Variants in NALCN observed in about 807,000 individuals in gnomAD.
NALCN encodes the protein sodium leak channel, non-selective, also known as sodium leak channel NALCN.
In NALCN, 111 loss-of-function variants were observed where a neutral mutation model predicts 225.3. The observed-to-expected ratio is 0.49, with a 90% CI of 0.42 to 0.58. The LOEUF (loss-of-function observed/expected upper bound fraction) is 0.58, where lower values mean the gene tolerates loss of function less well. NALCN is among the 20% of genes least tolerant of loss of function. The pLI, the probability that NALCN is intolerant of heterozygous loss-of-function variation, is 0.00. For synonymous variants in NALCN, 764 were observed against 769.0 expected, an observed-to-expected ratio of 0.99 and a Z score of 0.11; for missense variants, 1,378 against 2,202.4, an observed-to-expected ratio of 0.63 and a Z score of 7.49.
chr13:101,389,705 T>C (rs569144751), intron 3 of NALCN, among the ~76,000 whole-genome samples: 2 of 152,330 alleles, frequency 1.3e-5, no homozygotes, highest in African/African-American at 4.8e-5. Context: ...AAAACTCCCA[T>C]TTCATGTGAA....
At chr13:101,268,013 TG>T (rs1411271801) in intron 10 of NALCN, among the ~76,000 whole-genome samples, 1 of 152,220 alleles carries the variant, frequency 6.6e-6, no homozygotes, top group Non-Finnish European at 1.5e-5. Context: ...TGCATCACTT[TG>T]GATGTGTCAC....
intron 6 of NALCN, among the ~76,000 whole-genome samples, chr13:101,349,241 A>C (rs2045836152): frequency 6.6e-6 from 1 of 152,164 alleles, no homozygotes; most frequent in Non-Finnish European, 1.5e-5. Flanking sequence ...TGACTCCAAG[A>C]CAATGAAATT....
intron 17 of NALCN, among the ~76,000 whole-genome samples, chr13:101,135,144 G>A (rs1414568429): frequency 6.6e-6 from 1 of 152,328 alleles, no homozygotes; most frequent in Admixed American, 6.5e-5. Flanking sequence ...GCAGTGAGCC[G>A]AGATCGTGCC....
At position 101,055,115 on chromosome 13, in the gene NALCN, T is replaced by G; in HGVS notation, c.*180A>C. 1 of 595,148 alleles carries G rather than the reference T, an allele frequency of 1.7e-6. No individual in the cohort carries two copies. Among genetic ancestry groups the G allele is most frequent in the East Asian group, 2.8e-5 (1 of 35,228 alleles). The allele number at this position is 595,148 out of a possible 1,614,324, so 36.9% of individuals were successfully genotyped here. On this transcript the variant is annotated 3_prime_UTR_variant, in exon 44 of 44. Coordinates refer to ENST00000251127, the MANE Select transcript of NALCN (RefSeq NM_052867.4). ...AAAAATTTTTTTGAGCAATGATTGA[T>G]AGTAACCCATCATACATGCAGCTTA...
chr13:101,134,704 A>T (rs2036684859), intron 17 of NALCN, among the ~76,000 whole-genome samples: 1 of 152,162 alleles, frequency 6.6e-6, no homozygotes, highest in Admixed American at 6.6e-5. Flanking sequence ...TTTAAAACTT[A>T]ATGGATCTGA....
intron 15 of NALCN, among the ~76,000 whole-genome samples, chr13:101,154,984 C>T (rs114603186): frequency 6.6e-6 from 1 of 152,144 alleles, no homozygotes; most frequent in Non-Finnish European, 1.5e-5. Flanking sequence ...AAAGTATAAA[C>T]TTGATACAAC....
intron 7 of NALCN, among the ~76,000 whole-genome samples, chr13:101,339,498 C>G (rs1432821917): frequency 6.6e-6 from 1 of 152,096 alleles, no homozygotes; most frequent in Non-Finnish European, 1.5e-5. Flanking sequence ...AAGAAAGAGA[C>G]AGAAATAACT....
At chr13:101,172,582 C>T (rs571819605) in intron 15 of NALCN, among the ~76,000 whole-genome samples, 5 of 152,156 alleles carry the variant, frequency 3.3e-5, no homozygotes, top group South Asian at 4.2e-4. Flanking sequence ...TTATTTGAGA[C>T]GGAGTCTCGC....
In NALCN at chr13:101,297,724, A is replaced by G. The variant is rs544851937; in HGVS notation, c.800-5358T>C. Among the ~76,000 whole-genome samples the G allele has an allele frequency of 8.5e-5, 13 of 152,260 alleles. No homozygotes were observed. The East Asian group carries it at 2.5e-3, about 29-fold the overall frequency. On this transcript the variant is annotated intron_variant, in intron 7 of 43. Coordinates refer to ENST00000251127, the MANE Select transcript of NALCN (RefSeq NM_052867.4). Reference sequence around the variant, plus strand: ...TCCTGCTACAGGTGCTTGTTTTCTTATCTGGTCCTTTAACTCTTCCAATCT... The same window carrying G: ...TCCTGCTACAGGTGCTTGTTTTCTTGTCTGGTCCTTTAACTCTTCCAATCT...
intron 17 of NALCN, among the ~76,000 whole-genome samples, chr13:101,133,068 A>C (rs2036595017): frequency 6.6e-6 from 1 of 152,162 alleles, no homozygotes; most frequent in Non-Finnish European, 1.5e-5. Context: ...GATCCATCAA[A>C]ACTCTCAATC....
At position 101,345,288 on chromosome 13, in the gene NALCN, G is replaced by T; in HGVS notation, c.777C>A (p.Gly259=). The T allele has an allele frequency of 6.2e-7, 1 of 1,613,606 alleles. No homozygotes were observed. ...GACCTATCTCATTAAAGCCACTGTAGCCCAGCTCTTGCCTGCTAAGTCCCA... is the reference window on the plus strand; with the variant it reads ...GACCTATCTCATTAAAGCCACTGTATCCCAGCTCTTGCCTGCTAAGTCCCA... The part of the protein sequence containing the change: ...EDLGLSRQEL[G]YSGFNEIGTS... Residue 259 remains glycine, a synonymous_variant, in exon 7 of 44, where the codon GGC becomes GGA. Coordinates refer to ENST00000251127, the MANE Select transcript of NALCN (RefSeq NM_052867.4).
intron 7 of NALCN, among the ~76,000 whole-genome samples, chr13:101,322,470 A>T (rs1210665249): frequency 6.6e-6 from 1 of 152,248 alleles, no homozygotes; most frequent in Non-Finnish European, 1.5e-5. Context: ...AGCAATTTTT[A>T]AAATGTTTCC....
chr13:101,250,969 A>C (rs2042046119), intron 11 of NALCN, among the ~76,000 whole-genome samples: 1 of 152,084 alleles, frequency 6.6e-6, no homozygotes, highest in Non-Finnish European at 1.5e-5. Context: ...ATTATATGAG[A>C]TTGTAAGAAA....
intron 6 of NALCN, among the ~76,000 whole-genome samples, chr13:101,370,287 CAAAT>C (rs746114450): frequency 6.6e-6 from 1 of 152,124 alleles, no homozygotes; most frequent in South Asian, 2.1e-4. Flanking sequence ...CCACTACAAA[CAAAT>C]AGATAGCATT....
chr13:101,247,505 A>G (rs2041933149), intron 11 of NALCN, among the ~76,000 whole-genome samples: 1 of 152,214 alleles, frequency 6.6e-6, no homozygotes, highest in Non-Finnish European at 1.5e-5. Context: ...ATGAGGCAGC[A>G]TGCAAAGATT....
chr13:101,203,999 G>A (rs531451140), intron 13 of NALCN, among the ~76,000 whole-genome samples: 1 of 152,174 alleles, frequency 6.6e-6, no homozygotes, highest in Non-Finnish European at 1.5e-5. Flanking sequence ...GCTCTATGTC[G>A]TAAGTCATCA....
intron 6 of NALCN, among the ~76,000 whole-genome samples, chr13:101,371,411 T>G (rs1405798599): frequency 6.6e-6 from 1 of 152,178 alleles, no homozygotes; most frequent in Non-Finnish European, 1.5e-5. Flanking sequence ...CTCAAACTCC[T>G]GGGCTCAAGT....
At chr13:101,286,864 TACACACAC>T (rs71121180) in intron 9 of NALCN, among the ~76,000 whole-genome samples, 176 of 146,972 alleles carry the variant, frequency 1.2e-3, no homozygotes, top group Middle Eastern at 3.5e-3. Flanking sequence ...CCAGGTATTA[TACACACAC>T]ACACACACAC....
intron 17 of NALCN, among the ~76,000 whole-genome samples, chr13:101,132,462 TTGAA>T (rs1322583419): frequency 5.9e-5 from 9 of 152,274 alleles, no homozygotes; most frequent in Admixed American, 3.3e-4. Flanking sequence ...TCTCTAGTCA[TTGAA>T]TGAAGAATTT....
Sources: gnomAD v4.1 joint callset for allele counts (sites outside exome capture counted in the v4.1 genomes callset) on GRCh38, gnomAD v4.1.1 for gene constraint, MANE v1.5 for transcripts, NCBI Gene and HGNC (gene_info 2026-07-23, HGNC 2026-07-21) for gene names.